FAM81A: variants seen among roughly 807,000 people sequenced by gnomAD.
The protein encoded by FAM81A is family with sequence similarity 81 member A.
A neutral mutation model predicts 46.7 loss-of-function variants in FAM81A; 19 were observed. That is an observed-to-expected ratio of 0.41 (90% CI 0.28 to 0.60). FAM81A has a LOEUF of 0.60. Ranked by LOEUF, FAM81A falls within the 20% of genes least tolerant of loss-of-function variation. FAM81A has a pLI of 0.34. For missense variants in FAM81A, 377 were observed against 453.5 expected (o/e 0.83, Z 1.53); for synonymous variants, 183 against 152.9 (o/e 1.20, Z -1.45).
chr15:59,500,872 T>G (rs541702284), intron 4 of FAM81A, among the ~76,000 whole-genome samples: 1 of 152,240 alleles, frequency 6.6e-6, no homozygotes, highest in East Asian at 1.9e-4. Context: ...ATTAATATTT[T>G]TTATTTGAAG....
chr15:59,417,008 T>G (rs1596462462), intron 2 of FAM81A, among the ~76,000 whole-genome samples: 3 of 151,734 alleles, frequency 2.0e-5, no homozygotes, highest in African/African-American at 7.3e-5. Context: ...CTGCATCTGG[T>G]GCTATGCCCA....
intron 2 of FAM81A, among the ~76,000 whole-genome samples, chr15:59,458,918 C>G (rs1329123784): frequency 6.6e-6 from 1 of 152,252 alleles, no homozygotes; most frequent in Non-Finnish European, 1.5e-5. Flanking sequence ...CCCTGTTAAG[C>G]TTTTTAAATC....
chr15:59,508,400 G>A (rs1368131585), intron 5 of FAM81A, among the ~76,000 whole-genome samples: 1 of 152,238 alleles, frequency 6.6e-6, no homozygotes, highest in African/African-American at 2.4e-5. Flanking sequence ...GGTGGTGTGA[G>A]AAAGGAACAG....
chr15:59,436,459 C>G (rs189020679), upstream of FAM81A, among the ~76,000 whole-genome samples: 7 of 152,212 alleles, frequency 4.6e-5, no homozygotes, highest in Non-Finnish European at 5.9e-5. Flanking sequence ...GAGGAAGAAA[C>G]AAGACAGAGG....
intron 6 of FAM81A, among the ~76,000 whole-genome samples, chr15:59,509,967 A>G (rs1182412822): frequency 1.3e-5 from 2 of 152,180 alleles, no homozygotes; most frequent in Non-Finnish European, 2.9e-5. Context: ...ATGCCTAATG[A>G]GAATCTTATG....
intron 1 of FAM81A, among the ~76,000 whole-genome samples, chr15:59,442,507 C>T (rs1307926957): frequency 6.6e-6 from 1 of 151,190 alleles, no homozygotes; most frequent in Non-Finnish European, 1.5e-5. Flanking sequence ...ATCCCAGCTA[C>T]TCAGGAGGCT....
intron 1 of FAM81A, among the ~76,000 whole-genome samples, chr15:59,447,365 C>G (rs183388981): frequency 6.6e-6 from 1 of 152,190 alleles, no homozygotes; most frequent in African/African-American, 2.4e-5. Flanking sequence ...TTCCCCAGAT[C>G]GGCCTCACAA....
intron 3 of FAM81A, among the ~76,000 whole-genome samples, chr15:59,469,036 A>G (rs1427302408): frequency 6.6e-6 from 1 of 152,206 alleles, no homozygotes; most frequent in Non-Finnish European, 1.5e-5. Context: ...GAGTATCTTA[A>G]TCCTGAGTTC....
At chr15:59,487,178 A>G (rs2081926762) in intron 3 of FAM81A, among the ~76,000 whole-genome samples, 1 of 147,000 alleles carries the variant, frequency 6.8e-6, no homozygotes, top group Non-Finnish European at 1.5e-5. Context: ...TCCTGAATAT[A>G]TATATATATT....
At chr15:59,479,624 G>A (rs1263231488) in intron 3 of FAM81A, among the ~76,000 whole-genome samples, 1 of 151,620 alleles carries the variant, frequency 6.6e-6, no homozygotes, top group African/African-American at 2.4e-5. Context: ...GTGGTGTTGA[G>A]GGAGGAGACA....
In FAM81A at chr15:59,508,985, A is replaced by T. The variant is rs745966918; in HGVS notation, c.650+16A>T. 1.3e-6 allele frequency: 2 copies of T among 1,587,692 alleles called. No homozygotes were observed. The highest frequency in any genetic ancestry group is 1.7e-6 in the Non-Finnish European group (2 of 1,166,056). On this transcript the variant is annotated intron_variant, in intron 6 of 8. Transcript: ENST00000288228. The stretch of plus-strand genomic sequence containing the variant: ...TGGACACTAAGTAAGCAATCAATTT[A>T]TTAAAAAAATAAAACTTAAAGTTCT...
At chr15:59,428,035 G>A (rs989945157) in intron 2 of FAM81A, among the ~76,000 whole-genome samples, 1 of 152,160 alleles carries the variant, frequency 6.6e-6, no homozygotes, top group Non-Finnish European at 1.5e-5. Context: ...AGTGTACGAG[G>A]ATTCCCTCTT....
At chr15:59,432,039 T>C (rs1276493038) in intron 2 of FAM81A, among the ~76,000 whole-genome samples, 1 of 151,798 alleles carries the variant, frequency 6.6e-6, no homozygotes, top group Non-Finnish European at 1.5e-5. Flanking sequence ...TAATTTATCT[T>C]ACTTTGTTAT....
chr15:59,480,025 A>G (rs1304470038), intron 3 of FAM81A, among the ~76,000 whole-genome samples: 2 of 152,180 alleles, frequency 1.3e-5, no homozygotes, highest in East Asian at 1.9e-4. Context: ...GACTACTTCA[A>G]GGTTCAGGGA....
intron 1 of FAM81A, among the ~76,000 whole-genome samples, chr15:59,440,497 C>T (rs2081285771): frequency 1.3e-5 from 2 of 152,176 alleles, no homozygotes; most frequent in African/African-American, 4.8e-5. Flanking sequence ...TTGTCTCTTG[C>T]CAGTGACTTT....
At chr15:59,413,669 C>A (rs544091857) in intron 2 of FAM81A, among the ~76,000 whole-genome samples, 2 of 152,054 alleles carry the variant, frequency 1.3e-5, no homozygotes, top group African/African-American at 4.8e-5. Flanking sequence ...GCCTGTAATC[C>A]CAGCACTTTG....
intron 3 of FAM81A, among the ~76,000 whole-genome samples, chr15:59,477,607 C>A (rs1320082897): frequency 6.6e-6 from 1 of 152,142 alleles, no homozygotes; most frequent in East Asian, 1.9e-4. Flanking sequence ...CCTATGTGAT[C>A]CTCAAGAGCT....
chr15:59,432,951 C>T (rs1332149825), intron 2 of FAM81A, among the ~76,000 whole-genome samples: 18 of 141,980 alleles, frequency 1.3e-4, no homozygotes, highest in East Asian at 1.1e-3. Context: ...CTCCCTAACA[C>T]GGTGAAACCC....
intron 2 of FAM81A, among the ~76,000 whole-genome samples, chr15:59,411,305 AG>A (rs1320432627): frequency 6.6e-6 from 1 of 152,136 alleles, no homozygotes; most frequent in East Asian, 1.9e-4. Flanking sequence ...GGTTGCTGGG[AG>A]CCCAGGACTG....
Sources: gnomAD v4.1 joint callset for allele counts (sites outside exome capture counted in the v4.1 genomes callset) on GRCh38, gnomAD v4.1.1 for gene constraint, MANE v1.5 for transcripts, NCBI Gene and HGNC (gene_info 2026-07-23, HGNC 2026-07-21) for gene names.